The following TRIO variants were observed in gnomAD, a reference collection of about 807,000 sequenced individuals.
TRIO encodes triple functional domain protein.
A neutral mutation model predicts 351.9 loss-of-function variants in TRIO; 58 were observed. The observed-to-expected ratio is 0.16, with a 90% CI of 0.13 to 0.21. The LOEUF (loss-of-function observed/expected upper bound fraction) is 0.21, where lower values mean the gene tolerates loss of function less well. Among genes scored for constraint, TRIO ranks in the 10% least tolerant of loss-of-function variants. The pLI, the probability that TRIO is intolerant of heterozygous loss-of-function variation, is 1.00. For missense variants in TRIO, 3,201 were observed against 4,027.8 expected, an observed-to-expected ratio of 0.79 and a Z score of 5.56; for synonymous variants, 1,758 against 1,595.7, an observed-to-expected ratio of 1.10 and a Z score of -2.42.
chr5:14,508,885 G>C lies in TRIO; in HGVS notation c.*463G>C, dbSNP rs1386883320. On this transcript the variant is annotated 3_prime_UTR_variant, in exon 57 of 57. Transcript: ENST00000344204. ...GGACTCAGAGACCACTCGGCTCTGA[G>C]CTTCCAGGCGCCTCGTCTGTGTGCA... The C allele has an allele frequency of 6.6e-5, 11 of 166,024 alleles. No individual in the cohort carries two copies. Among genetic ancestry groups the C allele is most frequent in the Non-Finnish European group, 1.2e-4 (9 of 76,594 alleles). 10.3% of individuals were successfully genotyped at this position (166,024 alleles called of 1,614,324 possible). A position where few individuals can be genotyped will look rare whatever the true frequency, so the allele number is the denominator to read the frequency against.
At chr5:14,408,563 A>G (rs1748916902) in intron 33 of TRIO, among the ~76,000 whole-genome samples, 1 of 152,134 alleles carries the variant, frequency 6.6e-6, no homozygotes, top group Non-Finnish European at 1.5e-5. Context: ...ACCTATGGCC[A>G]TTGAGGTTAA....
At chr5:14,166,891 G>A (rs926434939) in intron 1 of TRIO, among the ~76,000 whole-genome samples, 4 of 152,092 alleles carry the variant, frequency 2.6e-5, no homozygotes, top group Admixed American at 6.6e-5. Context: ...GAGAAGGGAG[G>A]TCTCAGCAAA....
chr5:14,463,055 C>T (rs766845778), intron 36 of TRIO, 130 bp downstream of exon 36: 13 of 1,205,234 alleles, frequency 1.1e-5, no homozygotes, highest in Non-Finnish European at 1.4e-5. Flanking sequence ...CAATGCAGTG[C>T]TCTTTCAGGC....
chr5:14,405,587 G>A (rs994251752), intron 31 of TRIO, among the ~76,000 whole-genome samples: 2 of 152,168 alleles, frequency 1.3e-5, no homozygotes, highest in African/African-American at 4.8e-5. Context: ...AAAGGTCTTG[G>A]GGCTGGAGAA....
At chr5:14,145,531 A>T (rs1435159788) in intron 1 of TRIO, among the ~76,000 whole-genome samples, 1 of 150,908 alleles carries the variant, frequency 6.6e-6, no homozygotes, top group African/African-American at 2.4e-5. Context: ...GACTGGCCAG[A>T]TAGAGCAGCC....
Position 14,472,597 on chromosome 5 carries a change from T to C in TRIO, c.5918T>C (p.Val1973Ala). 1 of 1,614,072 alleles carries C rather than the reference T, an allele frequency of 6.2e-7. No individual in the cohort carries two copies. The highest frequency in any genetic ancestry group is 1.3e-5 in the African/African-American group (1 of 75,046). The change falls in exon 39 of 57, where the codon GTT becomes GCT. Residue 1973 changes from valine to alanine, a missense_variant. Coordinates refer to ENST00000344204, the MANE Select transcript of TRIO (RefSeq NM_007118.4). ...KSSSLKRRHY[V>A]LQELVETERD... ...ACAATATTTTTTCTCTCCAGCTACG[T>C]TTTGCAAGAACTAGTGGAGACAGAG... is the stretch of plus-strand genomic sequence containing the variant.
At chr5:14,189,157 T>C (rs1284220253) in intron 1 of TRIO, among the ~76,000 whole-genome samples, 1 of 152,212 alleles carries the variant, frequency 6.6e-6, no homozygotes, top group African/African-American at 2.4e-5. Flanking sequence ...CTTTAAAATA[T>C]TGTAGTAGTA....
At chr5:14,292,558 G>C (rs1462535724) in intron 5 of TRIO, among the ~76,000 whole-genome samples, 1 of 152,138 alleles carries the variant, frequency 6.6e-6, no homozygotes, top group Non-Finnish European at 1.5e-5. Flanking sequence ...TCAAACAGTG[G>C]AATCTTTTAG....
chr5:14,287,395 C>T lies in TRIO; in HGVS notation c.540+332C>T, dbSNP rs146815575. Among the ~76,000 whole-genome samples, 58 of 152,296 alleles carry T rather than the reference C, an allele frequency of 3.8e-4. No homozygotes were observed. The East Asian group carries it at 0.01, about 27-fold the overall frequency. ...TACCAGGCAGCACTGTGGCTTTGCACAGTTACAGATTCATTCTCCTTGCCT... is the reference window on the plus strand; with the variant it reads ...TACCAGGCAGCACTGTGGCTTTGCATAGTTACAGATTCATTCTCCTTGCCT... On this transcript the variant is annotated intron_variant, in intron 4 of 56. Coordinates refer to ENST00000344204, the MANE Select transcript of TRIO (RefSeq NM_007118.4).
chr5:14,281,019 G>T (rs1735947876), intron 3 of TRIO, among the ~76,000 whole-genome samples: 1 of 152,158 alleles, frequency 6.6e-6, no homozygotes, highest in South Asian at 2.1e-4. Context: ...GGGGAGTCAT[G>T]AGTTACTAGG....
intron 34 of TRIO, among the ~76,000 whole-genome samples, chr5:14,453,989 G>A (rs1034145498): frequency 1.8e-4 from 28 of 152,018 alleles, no homozygotes; most frequent in African/African-American, 6.5e-4. Context: ...GAGTGCGGTG[G>A]CACAATTCTG....
At chr5:14,255,360 AAT>A (rs1794970747) in intron 1 of TRIO, among the ~76,000 whole-genome samples, 2 of 152,360 alleles carry the variant, frequency 1.3e-5, no homozygotes, top group South Asian at 4.1e-4. Context: ...CATTATTTGT[AAT>A]AGCAAAAATG....
In TRIO at chr5:14,358,547, GT is replaced by G. The variant is rs33977552; in HGVS notation, c.2216+204del. On this transcript the variant is annotated intron_variant, in intron 12 of 56. Coordinates refer to ENST00000344204, the MANE Select transcript of TRIO (RefSeq NM_007118.4). ...CCCCTCCCTTCTCTCCCTCCTTACA[GT>G]TTTAACTTCATAATAGTTTTCATTA... Among the ~76,000 whole-genome samples the G allele has an allele frequency of 0.88, 133,472 of 152,246 alleles. 58,886 individuals carry two copies. The highest frequency in any genetic ancestry group is 0.96 in the African/African-American group (39,986 of 41,564).
At chr5:14,304,646 T>C (rs574493985) in intron 8 of TRIO, 54 bp downstream of exon 8, 1 of 1,561,280 alleles carries the variant, frequency 6.4e-7, no homozygotes, top group African/African-American at 1.4e-5. Flanking sequence ...TGCATCATAG[T>C]ACACCGGAAG....
At chr5:14,172,113 G>A (rs927267212) in intron 1 of TRIO, among the ~76,000 whole-genome samples, 6 of 151,976 alleles carry the variant, frequency 3.9e-5, no homozygotes, top group African/African-American at 1.5e-4. Context: ...ATATTCATTA[G>A]GACACTAATA....
intron 27 of TRIO, among the ~76,000 whole-genome samples, chr5:14,392,204 A>G (rs1022363059): frequency 1.3e-5 from 2 of 151,992 alleles, no homozygotes; most frequent in South Asian, 2.1e-4. Flanking sequence ...AAGGGCTAAC[A>G]TCCAGAATCT....
chr5:14,191,007 G>A (rs377761556), intron 1 of TRIO, among the ~76,000 whole-genome samples: 152 of 152,218 alleles, frequency 1.0e-3, no homozygotes, highest in Non-Finnish European at 1.6e-3. Flanking sequence ...CTAGCGCAGC[G>A]TGTTCTCCAA....
intron 45 of TRIO, 176 bp downstream of exon 45, chr5:14,481,794 T>C (rs1755541497): frequency 1.7e-6 from 1 of 574,050 alleles, no homozygotes; most frequent in East Asian, 3.4e-5. Flanking sequence ...TTTTTTTTTT[T>C]GGTGCGTTTG....
At chr5:14,362,475 T>A (rs1744234763) in intron 13 of TRIO, among the ~76,000 whole-genome samples, 1 of 152,190 alleles carries the variant, frequency 6.6e-6, no homozygotes, top group South Asian at 2.1e-4. Flanking sequence ...AATCTAGAAT[T>A]GTCTCTCCTT....
Sources: gnomAD v4.1 joint callset for allele counts (sites outside exome capture counted in the v4.1 genomes callset) on GRCh38, gnomAD v4.1.1 for gene constraint, MANE v1.5 for transcripts, NCBI Gene and HGNC (gene_info 2026-07-23, HGNC 2026-07-21) for gene names.